WFDC1: variants seen among roughly 807,000 people sequenced by gnomAD.
WFDC1 encodes the protein WAP four-disulfide core domain 1.
WFDC1 carries 39 observed loss-of-function variants against 32.9 expected under a neutral mutation model. That is an observed-to-expected ratio of 1.19 (90% confidence interval 0.92 to 1.55). WFDC1 has a LOEUF of 1.55. WFDC1 is among the 40% of genes most tolerant of loss of function. The probability of loss-of-function intolerance (pLI) is 0.00; values close to 1 mark genes in which losing one functional copy is unlikely to be tolerated. For missense variants in WFDC1, 386 were observed against 309.5 expected, an observed-to-expected ratio of 1.25 and a Z score of -1.85; for synonymous variants, 184 against 137.4, an observed-to-expected ratio of 1.34 and a Z score of -2.37.
intron 1 of WFDC1, among the ~76,000 whole-genome samples, chr16:84,301,696 G>A (rs563124946): frequency 6.6e-6 from 1 of 152,256 alleles, no homozygotes; most frequent in African/African-American, 2.4e-5. Context: ...CTTACTGTAG[G>A]CTTGGCCACA....
intron 1 of WFDC1, among the ~76,000 whole-genome samples, chr16:84,310,574 C>T (rs1169994198): frequency 6.6e-6 from 1 of 152,106 alleles, no homozygotes; most frequent in Non-Finnish European, 1.5e-5. Context: ...AGCTTTACAC[C>T]CTATTCTTCT....
intron 4 of WFDC1, among the ~76,000 whole-genome samples, 166 bp downstream of exon 4, chr16:84,319,737 C>T (rs8054470): frequency 0.03 from 4,530 of 152,226 alleles, 220 homozygotes; most frequent in African/African-American, 0.1. Context: ...TCTTTCATGG[C>T]CCCTACCCTT....
intron 1 of WFDC1, chr16:84,296,839 A>G (rs1012280829): frequency 2.0e-5 from 3 of 152,258 alleles, no homozygotes; most frequent in African/African-American, 4.8e-5. Context: ...AAGGCTCAGC[A>G]TGAGCCGAGG....
intron 1 of WFDC1, among the ~76,000 whole-genome samples, chr16:84,301,682 C>G (rs1169829561): frequency 1.3e-5 from 2 of 152,156 alleles, no homozygotes; most frequent in African/African-American, 4.8e-5. Flanking sequence ...TGATGTGAAG[C>G]AAACTTACTG....
chr16:84,310,830 G>A (rs1237419225), intron 1 of WFDC1, among the ~76,000 whole-genome samples: 1 of 152,140 alleles, frequency 6.6e-6, no homozygotes, highest in Non-Finnish European at 1.5e-5. Flanking sequence ...TTAAAGGCAG[G>A]TTTTCATGGC....
rs546309371 is a variant in WFDC1, at chr16:84,314,216, C to T, written c.337+1063C>T. Among the ~76,000 whole-genome samples the T allele has an allele frequency of 3.9e-5, 6 of 152,148 alleles. No homozygotes were observed. In the East Asian group the frequency reaches 7.7e-4, roughly 20 times the overall value. Reference sequence around the variant, plus strand: ...GTTCAGGGATTCATCATTGGCAGGACGGAGTTTCAGATCCCTTTTGAAGAG... The same window carrying T: ...GTTCAGGGATTCATCATTGGCAGGATGGAGTTTCAGATCCCTTTTGAAGAG... On this transcript the variant is annotated intron_variant, in intron 2 of 6. Coordinates refer to ENST00000219454, the MANE Select transcript of WFDC1 (RefSeq NM_021197.4).
intron 3 of WFDC1, chr16:84,318,788 C>G: frequency 9.0e-6 from 2 of 222,414 alleles, no homozygotes; most frequent in Non-Finnish European, 1.9e-5. Context: ...AGCGGGCACC[C>G]TTGCACACCT....
rs567222701 is a variant in WFDC1 at position 84,304,563 on chromosome 16, C to T, written c.145-8398C>T. ...TTTATCCAGGTAAGGCATACAGAAC[C>T]GGAGGGTTCTTGTCTAAGTTGTACC... is the stretch of plus-strand genomic sequence containing the variant. On this transcript the variant is annotated intron_variant, in intron 1 of 6. Transcript: ENST00000219454. Among the ~76,000 whole-genome samples, 426 of 152,244 alleles carry T rather than the reference C, an allele frequency of 2.8e-3. 3 individuals are homozygous for T. Among genetic ancestry groups the T allele is most frequent in the Non-Finnish European group, 2.9e-3 (196 of 68,014 alleles).
At chr16:84,310,144 T>C (rs1032335945) in intron 1 of WFDC1, among the ~76,000 whole-genome samples, 1 of 151,604 alleles carries the variant, frequency 6.6e-6, no homozygotes, top group Non-Finnish European at 1.5e-5. Flanking sequence ...TTAAATGCGA[T>C]GGCGGATTTC....
intron 1 of WFDC1, among the ~76,000 whole-genome samples, chr16:84,305,629 T>G (rs2151370237): frequency 6.6e-6 from 1 of 152,220 alleles, no homozygotes; most frequent in South Asian, 2.1e-4. Flanking sequence ...TGAGGGAGGA[T>G]ACAGCGGAAA....
chr16:84,304,294 G>A lies in WFDC1; in HGVS notation c.145-8667G>A, dbSNP rs199753733. ...ACCCAGGCTGGATTGCAGTGGTGCC[G>A]TCTGGCTCACTGCAACTTCTGCCTG... On this transcript the variant is annotated intron_variant, in intron 1 of 6. Coordinates refer to ENST00000219454, the MANE Select transcript of WFDC1 (RefSeq NM_021197.4). 9.2e-5 allele frequency among the ~76,000 whole-genome samples: 14 copies of A among 151,876 alleles called. No individual in the cohort carries two copies. In the East Asian group the frequency reaches 1.2e-3, roughly 13 times the overall value.
intron 2 of WFDC1, among the ~76,000 whole-genome samples, chr16:84,314,374 G>A (rs1215626830): frequency 1.3e-5 from 2 of 152,268 alleles, no homozygotes; most frequent in East Asian, 3.9e-4. Flanking sequence ...AGGATTTGCG[G>A]CAAGGAAGTC....
intron 1 of WFDC1, among the ~76,000 whole-genome samples, chr16:84,307,865 C>T: frequency 6.6e-6 from 1 of 152,128 alleles, no homozygotes; most frequent in East Asian, 1.9e-4. Context: ...GATTATGCAC[C>T]TGCTGCGGCT....
intron 3 of WFDC1, 45 bp downstream of exon 3, chr16:84,318,400 C>T (rs1355617641): frequency 1.3e-6 from 2 of 1,590,030 alleles, no homozygotes; most frequent in South Asian, 1.1e-5. Flanking sequence ...AGCCTCGATC[C>T]CTCCTTCTCA....
At chr16:84,319,237 G>A in intron 3 of WFDC1, 194 bp from the exon 4 acceptor site, 1 of 627,280 alleles carries the variant, frequency 1.6e-6, no homozygotes, top group Non-Finnish European at 2.7e-6. Flanking sequence ...CGTGTTTGTG[G>A]GTGTGCACGT....
intron 1 of WFDC1, among the ~76,000 whole-genome samples, chr16:84,308,283 C>A (rs769385637): frequency 6.6e-6 from 1 of 152,234 alleles, no homozygotes; most frequent in Admixed American, 6.5e-5. Context: ...CAGGGGCACC[C>A]GGCCCGGACC....
chr16:84,320,320 G>C lies in WFDC1; in HGVS notation c.562+749G>C, dbSNP rs545780576. Among the ~76,000 whole-genome samples, 13 of 152,266 alleles carry C rather than the reference G, an allele frequency of 8.5e-5. No individual in the cohort carries two copies. The East Asian group carries it at 2.3e-3, about 27-fold the overall frequency. ...GACTTAAGATATTCTCAGCTTGTAG[G>C]GGGTATATCAGTACATAACTCCATT... On this transcript the variant is annotated intron_variant, in intron 4 of 6. Transcript: ENST00000219454.
At chr16:84,321,564 T>C (rs1908305317) in intron 4 of WFDC1, among the ~76,000 whole-genome samples, 1 of 152,214 alleles carries the variant, frequency 6.6e-6, no homozygotes, top group East Asian at 1.9e-4. Flanking sequence ...CATTCAGCCC[T>C]ATGATGTCTA....
At chr16:84,308,427 G>C (rs558976137) in intron 1 of WFDC1, among the ~76,000 whole-genome samples, 82 of 152,348 alleles carry the variant, frequency 5.4e-4, no homozygotes, top group Non-Finnish European at 7.8e-4. Flanking sequence ...TCTGCTCTCA[G>C]TGTGGGGTGG....
Sources: allele counts gnomAD v4.1 joint callset (sites outside exome capture counted in the v4.1 genomes callset), GRCh38; gene constraint gnomAD v4.1.1; transcripts MANE v1.5; gene names NCBI Gene and HGNC (gene_info 2026-07-23, HGNC 2026-07-21).